The following SLIT1 variants were observed in gnomAD, a reference collection of about 807,000 sequenced individuals.
The protein encoded by SLIT1 is slit guidance ligand 1.
SLIT1 carries 66 observed loss-of-function variants against 186.1 expected under a neutral mutation model. The observed-to-expected ratio is 0.35, with a 90% CI of 0.29 to 0.44. The LOEUF is 0.44. SLIT1 is among the 20% of genes least tolerant of loss of function. The pLI, the probability that SLIT1 is intolerant of heterozygous loss-of-function variation, is 1.00. For missense variants in SLIT1, 1,638 were observed against 2,037.4 expected, an observed-to-expected ratio of 0.80 and a Z score of 3.77; for synonymous variants, 761 against 833.8, an observed-to-expected ratio of 0.91 and a Z score of 1.50.
intron 4 of SLIT1, among the ~76,000 whole-genome samples, chr10:97,125,590 G>A (rs1038284615): frequency 1.3e-5 from 2 of 149,458 alleles, no homozygotes; most frequent in Non-Finnish European, 3.0e-5. Context: ...TGTAATCCCA[G>A]CACTTTGGGA....
In SLIT1 at chr10:97,184,715, A is replaced by G. The variant is rs546081842; in HGVS notation, c.197+763T>C. On this transcript the variant is annotated intron_variant, in intron 1 of 36. Coordinates refer to ENST00000266058, the MANE Select transcript of SLIT1 (RefSeq NM_003061.3). This position sits in a 1 kb window ranked among gnomAD's most constrained non-coding sequence, Gnocchi z 4.4. ...ATTTTTTTATTACTTGTCATGGTCA[A>G]TATCTTTAACCTTGGGCCCCCCTCT... 9.2e-5 allele frequency among the ~76,000 whole-genome samples: 14 copies of G among 152,296 alleles called. No individual in the cohort carries two copies. The South Asian group carries it at 2.1e-3, about 23-fold the overall frequency.
Position 97,018,968 on chromosome 10 carries a change from T to A in SLIT1, c.2871+15A>T, listed in dbSNP as rs765824873. On this transcript the variant is annotated intron_variant, in intron 27 of 36. Coordinates refer to ENST00000266058, the MANE Select transcript of SLIT1 (RefSeq NM_003061.3). ...CGAAGAGCCCTCCTCCTCCCCGGCC[T>A]CTGCCTCCACTCACCTTATAGCCGC... is the stretch of plus-strand genomic sequence containing the variant. 6.5e-7 allele frequency: 1 copy of A among 1,535,806 alleles called. No individual in the cohort carries two copies. Among genetic ancestry groups the A allele is most frequent in the South Asian group, 1.1e-5 (1 of 89,004 alleles).
At chr10:97,047,337 A>C (rs953871238) in intron 16 of SLIT1, among the ~76,000 whole-genome samples, 3 of 152,258 alleles carry the variant, frequency 2.0e-5, no homozygotes, top group African/African-American at 7.2e-5. Flanking sequence ...ATGTGTACAC[A>C]AATTCATATT....
chr10:97,168,542 A>G lies in SLIT1; in HGVS notation c.198-3652T>C, dbSNP rs113371507. Among the ~76,000 whole-genome samples the G allele has an allele frequency of 4.0e-3, 610 of 152,328 alleles. 4 individuals are homozygous for G. The highest frequency in any genetic ancestry group is 0.014 in the African/African-American group (579 of 41,574). ...ACCCCCTCCTTCCACAACGTCATAC[A>G]CTGTGTGTTCTCCACTTAAGATTAT... On this transcript the variant is annotated intron_variant, in intron 1 of 36. Coordinates refer to ENST00000266058, the MANE Select transcript of SLIT1 (RefSeq NM_003061.3).
In SLIT1 at chr10:97,021,593, C is replaced by T. The variant is rs1328766094; in HGVS notation, c.2583-180G>A. On this transcript the variant is annotated intron_variant, in intron 25 of 36. Coordinates refer to ENST00000266058, the MANE Select transcript of SLIT1 (RefSeq NM_003061.3). The surrounding 1 kb of genome is among the most constrained non-coding windows in gnomAD (Gnocchi z 4.5). ...TTTTTCTTTTTTTGAGATGGAGTGT[C>T]GCTCTGTCGCCCAGGCTGGAGTGCA... is the stretch of plus-strand genomic sequence containing the variant. Among the ~76,000 whole-genome samples the T allele has an allele frequency of 6.7e-6, 1 of 149,376 alleles. No homozygotes were observed. The highest frequency in any genetic ancestry group is 1.5e-5 in the Non-Finnish European group (1 of 67,632).
intron 1 of SLIT1, among the ~76,000 whole-genome samples, chr10:97,178,316 A>G (rs1053100748): frequency 2.0e-5 from 3 of 152,360 alleles, no homozygotes; most frequent in East Asian, 3.9e-4. Context: ...CAGGAAGGAC[A>G]TGGAGTCATT....
intron 1 of SLIT1, among the ~76,000 whole-genome samples, chr10:97,175,364 C>T (rs1338008340): frequency 6.6e-6 from 1 of 152,158 alleles, no homozygotes; most frequent in African/African-American, 2.4e-5. Context: ...TAGGTGTACA[C>T]ATATCTCTTT....
chr10:97,017,680 C>T (rs770803067), intron 28 of SLIT1, among the ~76,000 whole-genome samples: 1 of 152,160 alleles, frequency 6.6e-6, no homozygotes, highest in Non-Finnish European at 1.5e-5. Context: ...GGCCTTGGCT[C>T]CCACCTCTGG....
Position 97,056,346 on chromosome 10 carries a change from T to A in SLIT1, c.1276A>T (p.Thr426Ser). 6.2e-7 allele frequency: 1 copy of A among 1,613,556 alleles called. No homozygotes were observed. The highest frequency in any genetic ancestry group is 8.5e-7 in the Non-Finnish European group (1 of 1,179,878). ...KIQSLAKGTF[T>S]SLRAIQTLHL... is the part of the protein sequence containing the mutation. ...AGAGTCTGGATGGCCCGCAGGGAGGTGAAAGTGCCCTTGGCGAGGCTCTGG... is the reference window on the plus strand; with the variant it reads ...AGAGTCTGGATGGCCCGCAGGGAGGAGAAAGTGCCCTTGGCGAGGCTCTGG... Residue 426 changes from threonine (T) to serine (S), a missense_variant, in exon 13 of 37, where the codon ACC (threonine) becomes TCC (serine). Around this residue, in one of 3 missense-constraint regions of SLIT1, gnomAD observed 1,245 missense variants for 1,535.3 expected, o/e 0.81. Coordinates refer to ENST00000266058, the MANE Select transcript of SLIT1 (RefSeq NM_003061.3).
At chr10:97,055,884 T>C (rs953906295) in intron 13 of SLIT1, among the ~76,000 whole-genome samples, 5 of 152,212 alleles carry the variant, frequency 3.3e-5, no homozygotes, top group Non-Finnish European at 5.9e-5. Context: ...CCACTGATTA[T>C]AACATGCATC....
At chr10:97,112,189 GCCC>G (rs1215255683) in intron 4 of SLIT1, among the ~76,000 whole-genome samples, 2 of 152,214 alleles carry the variant, frequency 1.3e-5, no homozygotes, top group African/African-American at 2.4e-5. Context: ...CAGCAGTGAT[GCCC>G]CCTCCTCTAG....
At chr10:97,120,647 A>G (rs895552329) in intron 4 of SLIT1, among the ~76,000 whole-genome samples, 2 of 152,080 alleles carry the variant, frequency 1.3e-5, no homozygotes, top group Admixed American at 1.3e-4. Context: ...AGGCTAAGTC[A>G]CCCACCCTCT....
Position 97,043,506 on chromosome 10 carries a change from G to A in SLIT1, c.1861C>T (p.Arg621Trp), listed in dbSNP as rs777777506. 3 of 1,613,226 alleles carry A rather than the reference G, an allele frequency of 1.9e-6. No individual in the cohort carries two copies. The highest frequency in any genetic ancestry group is 2.2e-5 in the East Asian group (1 of 44,882). ...GLDGLRTLML[R>W]NNRISCIHND... ...TGGATGCAGCTGATGCGGTTGTTCC[G>A]CAGCATTCTGGGGAGGAACGGGGGA... Residue 621 changes from arginine to tryptophan, a missense_variant, in exon 19 of 37, where the codon CGG becomes TGG. Around this residue, in one of 3 missense-constraint regions of SLIT1, gnomAD observed 1,245 missense variants for 1,535.3 expected, o/e 0.81. Coordinates refer to ENST00000266058, the MANE Select transcript of SLIT1 (RefSeq NM_003061.3). This position sits in a 1 kb window ranked among gnomAD's most constrained non-coding sequence, Gnocchi z 7.0.
At chr10:97,167,677 C>T (rs956559947) in intron 1 of SLIT1, among the ~76,000 whole-genome samples, 1 of 152,136 alleles carries the variant, frequency 6.6e-6, no homozygotes, top group African/African-American at 2.4e-5. Context: ...GGCTGTGTAC[C>T]CACCTAAATC....
rs1848275838 is a variant in SLIT1, at chr10:96,999,035, G to A, written c.*2077C>T. ...TGAGTCCCAGAGCACCTTTCTTCCAGGGAAGAGGCAAGCTAGCTGCCCTTG... is the reference window on the plus strand; with the variant it reads ...TGAGTCCCAGAGCACCTTTCTTCCAAGGAAGAGGCAAGCTAGCTGCCCTTG... On this transcript the variant is annotated 3_prime_UTR_variant, in exon 37 of 37. Coordinates refer to ENST00000266058, the MANE Select transcript of SLIT1 (RefSeq NM_003061.3). The A allele has an allele frequency of 6.6e-6, 1 of 152,334 alleles. No homozygotes were observed. The highest frequency in any genetic ancestry group is 2.4e-5 in the African/African-American group (1 of 41,462). The allele number at this position is 152,334 out of a possible 1,614,324, so 9.4% of individuals were successfully genotyped here.
intron 4 of SLIT1, among the ~76,000 whole-genome samples, chr10:97,130,484 C>T (rs1003284300): frequency 2.6e-5 from 4 of 152,208 alleles, no homozygotes; most frequent in Middle Eastern, 3.2e-3. Flanking sequence ...GACATTATGC[C>T]TCGTGAAATA....
chr10:97,185,731 C>T lies in SLIT1; in HGVS notation c.-57G>A. On this transcript the variant is annotated 5_prime_UTR_variant, in exon 1 of 37. Transcript: ENST00000266058. The stretch of plus-strand genomic sequence containing the variant: ...GACGGCAGCAGCCGCTGACCATCCC[C>T]GTCCGGGGCCGCCTCCAGGTGCAGT... 6 of 1,378,152 alleles carry T rather than the reference C, an allele frequency of 4.4e-6. No individual in the cohort carries two copies. The South Asian group carries it at 7.7e-5, about 18-fold the overall frequency. 85.4% of individuals were successfully genotyped at this position (1,378,152 alleles called of 1,614,324 possible).
intron 4 of SLIT1, among the ~76,000 whole-genome samples, chr10:97,141,205 CA>C (rs776682669): frequency 6.6e-6 from 1 of 152,182 alleles, no homozygotes; most frequent in Non-Finnish European, 1.5e-5. Context: ...ACAAGCACAG[CA>C]GCCCACCCTT....
chr10:97,146,559 G>GCCCCCCCCCCCCCCCCCCCCCCC (rs61265496), intron 4 of SLIT1, among the ~76,000 whole-genome samples: 1 of 149,086 alleles, frequency 6.7e-6, no homozygotes, highest in Non-Finnish European at 1.5e-5. Context: ...AGGTACCCCA[G>GCCCCCCCCCCCCCCCCCCCCCCC]CCCCCCCCAC....
Sources: allele counts gnomAD v4.1 joint callset (sites outside exome capture counted in the v4.1 genomes callset), GRCh38; gene constraint gnomAD v4.1.1; regional missense constraint gnomAD v4.1.1; non-coding constraint Gnocchi (gnomAD v3.1); transcripts MANE v1.5; gene names NCBI Gene and HGNC (gene_info 2026-07-23, HGNC 2026-07-21).